CCNY: variants seen among roughly 807,000 people sequenced by gnomAD.
The protein encoded by CCNY is cyclin-Y.
A neutral mutation model predicts 42.8 loss-of-function variants in CCNY; 19 were observed. The ratio of observed to expected loss-of-function variants is 0.44; its 90% CI spans 0.31 to 0.65. The LOEUF is 0.65. Among genes scored for constraint, CCNY ranks in the 30% least tolerant of loss-of-function variants. The pLI is 0.07. For synonymous variants in CCNY, 165 were observed against 162.7 expected, an observed-to-expected ratio of 1.01 and a Z score of -0.11; for missense variants, 370 against 437.3, an observed-to-expected ratio of 0.85 and a Z score of 1.37.
At chr10:35,282,558 T>C (rs1243543501) in intron 3 of CCNY, among the ~76,000 whole-genome samples, 1 of 151,416 alleles carries the variant, frequency 6.6e-6, no homozygotes, top group Admixed American at 6.6e-5. Flanking sequence ...AAACCCTGTC[T>C]CTACTAAAAA....
At chr10:35,354,120 C>T (rs889742855) in intron 1 of CCNY, among the ~76,000 whole-genome samples, 1 of 151,864 alleles carries the variant, frequency 6.6e-6, no homozygotes. Flanking sequence ...TCCCCTGGAC[C>T]AAGTGATCCA....
At chr10:35,383,065 C>T (rs998292023) in intron 1 of CCNY, among the ~76,000 whole-genome samples, 34 of 152,028 alleles carry the variant, frequency 2.2e-4, no homozygotes, top group Admixed American at 2.0e-3. Context: ...CGCAATATTT[C>T]GGGATGCAAA....
At chr10:35,258,762 C>T (rs2095717314) in intron 3 of CCNY, among the ~76,000 whole-genome samples, 1 of 152,102 alleles carries the variant, frequency 6.6e-6, no homozygotes, top group East Asian at 1.9e-4. Flanking sequence ...AGAGTGAAAC[C>T]CTGTCTCTAC....
intron 2 of CCNY, among the ~76,000 whole-genome samples, chr10:35,498,202 T>C (rs932614341): frequency 6.8e-4 from 103 of 152,230 alleles, no homozygotes; most frequent in Non-Finnish European, 1.0e-3. Context: ...GCACCCAGGA[T>C]TTTTATGGAG....
chr10:35,260,840 C>T (rs1344325112), intron 3 of CCNY, among the ~76,000 whole-genome samples: 1 of 152,168 alleles, frequency 6.6e-6, no homozygotes, highest in East Asian at 1.9e-4. Flanking sequence ...TGAACAGTGG[C>T]CCCGGTTCTG....
chr10:35,382,666 A>C (rs936913681), intron 1 of CCNY, among the ~76,000 whole-genome samples: 2 of 152,054 alleles, frequency 1.3e-5, no homozygotes, highest in Admixed American at 1.3e-4. Context: ...TACCGGGCCC[A>C]GTTGTCCAGT....
At chr10:35,425,590 A>G (rs1255600761) in intron 1 of CCNY, among the ~76,000 whole-genome samples, 2 of 152,256 alleles carry the variant, frequency 1.3e-5, no homozygotes, top group African/African-American at 4.8e-5. Context: ...CCAAAAATAT[A>G]TAACAAAGAA....
At chr10:35,350,335 T>C (rs1334456551) in intron 1 of CCNY, among the ~76,000 whole-genome samples, 1 of 152,246 alleles carries the variant, frequency 6.6e-6, no homozygotes, top group Non-Finnish European at 1.5e-5. Flanking sequence ...TTGTTTCTTA[T>C]TCATTTTTCA....
intron 3 of CCNY, among the ~76,000 whole-genome samples, chr10:35,301,090 G>T (rs966537071): frequency 6.6e-6 from 1 of 152,148 alleles, no homozygotes; most frequent in African/African-American, 2.4e-5. Context: ...TTATAGGGGT[G>T]AGCCACTGTG....
At chr10:35,531,920 A>G (rs7477203) in intron 7 of CCNY, among the ~76,000 whole-genome samples, 44,112 of 152,200 alleles carry the variant, frequency 0.29, 6,685 homozygotes, top group East Asian at 0.35. Flanking sequence ...ATCACTCACC[A>G]AAGGTGACAG....
At chr10:35,436,497 C>G (rs1439569561) in intron 1 of CCNY, among the ~76,000 whole-genome samples, 1 of 152,122 alleles carries the variant, frequency 6.6e-6, no homozygotes. Flanking sequence ...TTCACCTGAG[C>G]TTGGGGCCCT....
Position 35,571,193 on chromosome 10 carries a change from T to C in CCNY, c.*2023T>C, listed in dbSNP as rs1436334708. On this transcript the variant is annotated 3_prime_UTR_variant, in exon 10 of 10. Coordinates refer to ENST00000374704, the MANE Select transcript of CCNY (RefSeq NM_145012.6). ...TTACCAATCCATTTCAGGAAAGAGG[T>C]TCTGCTGCCGTAAAGGCAGAAATTT... The C allele has an allele frequency of 1.3e-5, 2 of 152,216 alleles. No individual in the cohort carries two copies. Among genetic ancestry groups the C allele is most frequent in the Non-Finnish European group, 2.9e-5 (2 of 68,030 alleles). The allele number at this position is 152,216 out of a possible 1,614,324, so 9.4% of individuals were successfully genotyped here. A position where few individuals can be genotyped will look rare whatever the true frequency, so the allele number is the denominator to read the frequency against.
intron 3 of CCNY, among the ~76,000 whole-genome samples, chr10:35,322,420 A>G (rs755401190): frequency 1.1e-4 from 17 of 152,134 alleles, no homozygotes; most frequent in Non-Finnish European, 2.1e-4. Flanking sequence ...CATGATCTGA[A>G]GGGAGTCAAA....
chr10:35,472,134 T>TTG (rs2135346980), intron 1 of CCNY, among the ~76,000 whole-genome samples: 1 of 152,314 alleles, frequency 6.6e-6, no homozygotes, highest in South Asian at 2.1e-4. Flanking sequence ...GGGGACCCTA[T>TTG]TGTGTGGTGG....
intron 7 of CCNY, among the ~76,000 whole-genome samples, chr10:35,538,257 C>CT (rs1180570063): frequency 6.6e-6 from 1 of 152,076 alleles, no homozygotes; most frequent in African/African-American, 2.4e-5. Flanking sequence ...TCAGGTATGT[C>CT]TTTTTCAGCA....
chr10:35,548,503 G>A (rs181107777), intron 7 of CCNY, among the ~76,000 whole-genome samples: 9 of 151,820 alleles, frequency 5.9e-5, no homozygotes, highest in East Asian at 1.9e-4. Flanking sequence ...TCACCATGTT[G>A]GCCAGGATGG....
At chr10:35,521,333 C>A (rs1840541791) in intron 4 of CCNY, among the ~76,000 whole-genome samples, 1 of 152,172 alleles carries the variant, frequency 6.6e-6, no homozygotes. Flanking sequence ...TCCCCCAGGT[C>A]CCCTGAGTTC....
chr10:35,503,618 C>G (rs1202534635), intron 3 of CCNY, among the ~76,000 whole-genome samples: 1 of 152,184 alleles, frequency 6.6e-6, no homozygotes, highest in African/African-American at 2.4e-5. Flanking sequence ...TAATAATAAT[C>G]GGTCCCATCT....
Position 35,261,698 on chromosome 10 carries a change from C to T in CCNY, c.-9+11072C>T, listed in dbSNP as rs1589004618. On this transcript the variant is annotated intron_variant, in intron 3 of 11. Transcript: ENST00000374706. Reference sequence around the variant, plus strand: ...CCAGCTTGGGTGACAAAGGGAGACCCAATCTCTAAAAAAATTTAACGGAAT... The same window carrying T: ...CCAGCTTGGGTGACAAAGGGAGACCTAATCTCTAAAAAAATTTAACGGAAT... Among the ~76,000 whole-genome samples, 14 of 152,126 alleles carry T rather than the reference C, an allele frequency of 9.2e-5. 1 individual carries two copies. The highest frequency in any genetic ancestry group is 6.8e-3 in the Middle Eastern group (2 of 294).
Sources: gnomAD v4.1 joint callset for allele counts (sites outside exome capture counted in the v4.1 genomes callset) on GRCh38, gnomAD v4.1.1 for gene constraint, MANE v1.5 for transcripts, NCBI Gene and HGNC (gene_info 2026-07-23, HGNC 2026-07-21) for gene names.